Variants in NINL observed in about 807,000 individuals in gnomAD.
NINL encodes ninein-like protein.
In NINL, 153 loss-of-function variants were observed where a neutral mutation model predicts 160.3. The ratio of observed to expected loss-of-function variants is 0.95; its 90% CI spans 0.84 to 1.09. The LOEUF is 1.09. NINL is among the 50% of genes least tolerant of loss of function. The pLI, the probability that NINL is intolerant of heterozygous loss-of-function variation, is 0.00. For missense variants in NINL, 1,829 were observed against 1,764.0 expected, an observed-to-expected ratio of 1.04 and a Z score of -0.66; for synonymous variants, 800 against 734.8, an observed-to-expected ratio of 1.09 and a Z score of -1.43.
intron 23 of NINL, among the ~76,000 whole-genome samples, chr20:25,454,242 T>C (rs928965737): frequency 1.1e-4 from 16 of 152,126 alleles, no homozygotes; most frequent in African/African-American, 2.9e-4. Flanking sequence ...GGTCAGAGTG[T>C]GGAACAGGTT....
At chr20:25,517,906 A>T (rs117428074) in intron 2 of NINL, 57 bp from the exon 3 acceptor site, 13 of 1,105,624 alleles carry the variant, frequency 1.2e-5, no homozygotes, top group Non-Finnish European at 1.7e-5. Flanking sequence ...CACACAATTC[A>T]AAAGTGACTC....
At chr20:25,582,647 T>C (rs1289935814) in intron 1 of NINL, among the ~76,000 whole-genome samples, 2 of 152,202 alleles carry the variant, frequency 1.3e-5, no homozygotes, top group Non-Finnish European at 2.9e-5. Context: ...AAACCACTAA[T>C]GGATGATGTA....
chr20:25,458,695 C>T (rs981006151), intron 21 of NINL, 166 bp from the exon 22 acceptor site: 12 of 729,280 alleles, frequency 1.6e-5, no homozygotes, highest in African/African-American at 5.3e-5. Flanking sequence ...CTTTGGAATT[C>T]GGACAGCCAG....
chr20:25,553,015 C>T lies in NINL; in HGVS notation c.-11-26417G>A, dbSNP rs1451599711. Among the ~76,000 whole-genome samples the T allele has an allele frequency of 7.2e-5, 11 of 151,776 alleles. No individual in the cohort carries two copies. The East Asian group carries it at 7.8e-4, about 11-fold the overall frequency. On this transcript the variant is annotated intron_variant, in intron 1 of 23. Transcript: ENST00000278886. ...TCTCAGCTCACCTTTTGCTTCCCCA[C>T]GCAAGGGCACTGGTGCAGCGGCCTT...
intron 13 of NINL, among the ~76,000 whole-genome samples, chr20:25,487,522 T>C (rs1300830288): frequency 6.6e-6 from 1 of 152,222 alleles, no homozygotes; most frequent in Admixed American, 6.5e-5. Context: ...GTGTCTATTG[T>C]TACAACTTGT....
At chr20:25,552,745 T>G (rs143875653) in intron 1 of NINL, among the ~76,000 whole-genome samples, 1 of 152,002 alleles carries the variant, frequency 6.6e-6, no homozygotes, top group Non-Finnish European at 1.5e-5. Context: ...GAGAGAAAAA[T>G]AGAGGTGCTG....
chr20:25,496,538 A>C (rs2063756280), intron 10 of NINL, 125 bp downstream of exon 10: 1 of 1,155,886 alleles, frequency 8.7e-7, no homozygotes, highest in Admixed American at 2.3e-5. Flanking sequence ...ACTCAGGTGA[A>C]ATAGGGGGGT....
At chr20:25,489,567 C>G (rs557002213) in intron 12 of NINL, among the ~76,000 whole-genome samples, 2 of 152,158 alleles carry the variant, frequency 1.3e-5, no homozygotes, top group South Asian at 4.2e-4. Flanking sequence ...AGACCCTGAC[C>G]CTGGGCAGCC....
At chr20:25,583,792 C>T (rs183413156) in intron 1 of NINL, among the ~76,000 whole-genome samples, 2 of 152,222 alleles carry the variant, frequency 1.3e-5, no homozygotes, top group Admixed American at 6.5e-5. Flanking sequence ...TACTACGTAG[C>T]CATAAAAAAG....
chr20:25,582,517 T>C (rs752689625), intron 1 of NINL, among the ~76,000 whole-genome samples: 2 of 152,170 alleles, frequency 1.3e-5, no homozygotes, highest in Non-Finnish European at 2.9e-5. Flanking sequence ...GGAGAAGGCT[T>C]GCTATTTTCT....
intron 1 of NINL, among the ~76,000 whole-genome samples, chr20:25,557,038 T>C (rs2064874901): frequency 1.3e-5 from 2 of 152,320 alleles, no homozygotes; most frequent in East Asian, 1.9e-4. Flanking sequence ...GGGTTTCTTT[T>C]GGGTGTGATG....
chr20:25,462,284 C>T, intron 20 of NINL, 99 bp downstream of exon 20: 1 of 1,172,264 alleles, frequency 8.5e-7, no homozygotes, highest in Non-Finnish European at 1.2e-6. Flanking sequence ...CCTCACTTCC[C>T]TCCAGGCTCC....
intron 19 of NINL, among the ~76,000 whole-genome samples, chr20:25,463,600 C>T (rs1335522505): frequency 6.6e-6 from 1 of 152,214 alleles, no homozygotes; most frequent in Non-Finnish European, 1.5e-5. Flanking sequence ...CTGTCAGGAA[C>T]ATCTTCATGC....
intron 11 of NINL, among the ~76,000 whole-genome samples, chr20:25,490,726 T>C (rs2063612747): frequency 6.6e-6 from 1 of 151,296 alleles, no homozygotes; most frequent in Non-Finnish European, 1.5e-5. Flanking sequence ...CTGTAGACGG[T>C]GGGGGACTGC....
intron 1 of NINL, among the ~76,000 whole-genome samples, chr20:25,570,974 C>T (rs1429802848): frequency 1.3e-5 from 2 of 150,878 alleles, no homozygotes; most frequent in South Asian, 4.2e-4. Flanking sequence ...AAGTGCTGGG[C>T]GTGAACCACC....
At chr20:25,498,490 G>A (rs1051839588) in intron 8 of NINL, 144 bp from the exon 9 acceptor site, 47 of 1,050,764 alleles carry the variant, frequency 4.5e-5, no homozygotes, top group Middle Eastern at 3.1e-4. Context: ...AGGTCTCTGC[G>A]TCTTGAGGGG....
At chr20:25,532,273 C>A (rs1182387973) in intron 1 of NINL, among the ~76,000 whole-genome samples, 1 of 152,228 alleles carries the variant, frequency 6.6e-6, no homozygotes, top group African/African-American at 2.4e-5. Context: ...CCCAGAGCCC[C>A]AGATTCACGT....
intron 8 of NINL, among the ~76,000 whole-genome samples, chr20:25,499,446 C>G (rs1420544549): frequency 6.6e-6 from 1 of 152,178 alleles, no homozygotes; most frequent in African/African-American, 2.4e-5. Flanking sequence ...AGGGCAGAGG[C>G]AACATGCACT....
At chr20:25,499,107 C>T (rs1016285594) in intron 8 of NINL, 2 of 985,310 alleles carry the variant, frequency 2.0e-6, no homozygotes, top group African/African-American at 3.5e-5. Flanking sequence ...GGTGCCAGGA[C>T]GTGCCTGGCC....
Sources: allele counts gnomAD v4.1 joint callset (sites outside exome capture counted in the v4.1 genomes callset), GRCh38; gene constraint gnomAD v4.1.1; transcripts MANE v1.5; gene names NCBI Gene and HGNC (gene_info 2026-07-23, HGNC 2026-07-21).